Variants in GRB14 observed in about 807,000 individuals in gnomAD.
GRB14 encodes the protein growth factor receptor-bound protein 14.
GRB14 carries 38 observed loss-of-function variants against 69.1 expected under a neutral mutation model. That is an observed-to-expected ratio of 0.55 (90% CI 0.42 to 0.72). The LOEUF (loss-of-function observed/expected upper bound fraction) is 0.72. Ranked by LOEUF, GRB14 falls within the 30% of genes least tolerant of loss-of-function variation. The pLI, the probability that GRB14 is intolerant of heterozygous loss-of-function variation, is 0.00. For synonymous variants in GRB14, 247 were observed against 241.3 expected (o/e 1.02, Z -0.22); for missense variants, 666 against 666.1 (o/e 1.00, Z 0.00).
chr2:164,578,231 T>TA (rs1041421337), intron 2 of GRB14, among the ~76,000 whole-genome samples: 65 of 145,884 alleles, frequency 4.5e-4, no homozygotes, highest in South Asian at 3.0e-3. Flanking sequence ...AGACTCTGTC[T>TA]AAAAAAAAAA....
At chr2:164,522,984 A>AG (rs1421065806) in intron 5 of GRB14, among the ~76,000 whole-genome samples, 2 of 152,104 alleles carry the variant, frequency 1.3e-5, no homozygotes, top group Non-Finnish European at 2.9e-5. Flanking sequence ...GACTACTCTG[A>AG]GACCATCACA....
At chr2:164,530,247 G>C (rs1423905773) in intron 3 of GRB14, among the ~76,000 whole-genome samples, 1 of 152,108 alleles carries the variant, frequency 6.6e-6, no homozygotes, top group Non-Finnish European at 1.5e-5. Flanking sequence ...CACGGCAAGA[G>C]ACAGCAATAG....
chr2:164,613,445 G>A (rs1378919641), intron 2 of GRB14, among the ~76,000 whole-genome samples: 3 of 151,978 alleles, frequency 2.0e-5, no homozygotes, highest in Non-Finnish European at 4.4e-5. Context: ...TGGACACACT[G>A]GACTAACATA....
intron 3 of GRB14, among the ~76,000 whole-genome samples, chr2:164,539,248 A>G (rs1366460144): frequency 1.3e-5 from 2 of 152,142 alleles, no homozygotes; most frequent in South Asian, 2.1e-4. Context: ...GCCAAGGCAG[A>G]TGGATCACTT....
intron 2 of GRB14, among the ~76,000 whole-genome samples, chr2:164,575,218 A>G (rs982835457): frequency 6.6e-6 from 1 of 152,200 alleles, no homozygotes; most frequent in Non-Finnish European, 1.5e-5. Flanking sequence ...TTTAAATTCA[A>G]TCAAACTCAT....
chr2:164,593,947 T>A (rs1365813482), intron 2 of GRB14, among the ~76,000 whole-genome samples: 1 of 152,176 alleles, frequency 6.6e-6, no homozygotes, highest in Non-Finnish European at 1.5e-5. Context: ...AAAAACAGAA[T>A]GTTTTCACAA....
chr2:164,528,364 G>C (rs954772014), intron 3 of GRB14, among the ~76,000 whole-genome samples: 2 of 152,008 alleles, frequency 1.3e-5, no homozygotes, highest in African/African-American at 4.8e-5. Context: ...AATAGGAAAT[G>C]GAGAACAACC....
intron 3 of GRB14, among the ~76,000 whole-genome samples, chr2:164,533,053 A>G (rs532488713): frequency 9.0e-4 from 137 of 152,106 alleles, no homozygotes; most frequent in African/African-American, 3.2e-3. Flanking sequence ...TCTGAGCCCA[A>G]GTTGATGTTC....
chr2:164,518,355 G>A (rs559427990), intron 6 of GRB14, among the ~76,000 whole-genome samples: 1 of 152,078 alleles, frequency 6.6e-6, no homozygotes, highest in East Asian at 1.9e-4. Context: ...AAACATCTGG[G>A]ATACAGCAAA....
chr2:164,511,673 G>A (rs1410160137), intron 6 of GRB14, among the ~76,000 whole-genome samples: 1 of 152,144 alleles, frequency 6.6e-6, no homozygotes, highest in Non-Finnish European at 1.5e-5. Flanking sequence ...CTGGCTTCAG[G>A]TGAAACCTAG....
intron 2 of GRB14, among the ~76,000 whole-genome samples, chr2:164,616,062 T>C (rs902381776): frequency 2.6e-5 from 4 of 152,148 alleles, no homozygotes; most frequent in African/African-American, 7.2e-5. Context: ...ATTTGCTTTA[T>C]TAGTAAACAC....
chr2:164,579,517 A>G (rs1480187296), intron 2 of GRB14, among the ~76,000 whole-genome samples: 1 of 149,104 alleles, frequency 6.7e-6, no homozygotes. Flanking sequence ...ACACACACAC[A>G]CACACACACA....
intron 2 of GRB14, among the ~76,000 whole-genome samples, chr2:164,600,375 T>C (rs938813543): frequency 2.0e-5 from 3 of 152,220 alleles, no homozygotes; most frequent in African/African-American, 7.2e-5. Context: ...TAAAAAATTA[T>C]AGAACTTCAC....
chr2:164,619,962 G>C, intron 1 of GRB14, 143 bp from the exon 2 acceptor site: 2 of 626,586 alleles, frequency 3.2e-6, no homozygotes, highest in South Asian at 4.1e-5. Context: ...GAAAAGGTCT[G>C]TGATGTACTT....
intron 2 of GRB14, among the ~76,000 whole-genome samples, chr2:164,548,044 C>A (rs1688430576): frequency 6.6e-6 from 1 of 152,130 alleles, no homozygotes; most frequent in South Asian, 2.1e-4. Flanking sequence ...TCTCAAAATT[C>A]CAAATTCAAT....
chr2:164,602,471 T>A (rs1258187207), intron 2 of GRB14, among the ~76,000 whole-genome samples: 1 of 152,208 alleles, frequency 6.6e-6, no homozygotes, highest in Non-Finnish European at 1.5e-5. Flanking sequence ...AATTATTTTT[T>A]TCCTTACAAT....
intron 2 of GRB14, among the ~76,000 whole-genome samples, chr2:164,598,108 T>C (rs1420349846): frequency 2.0e-5 from 3 of 152,124 alleles, no homozygotes; most frequent in Non-Finnish European, 4.4e-5. Context: ...TTCTGCAAGC[T>C]GGTCCTGAGA....
At chr2:164,544,360 A>G (rs1574291891) in intron 3 of GRB14, among the ~76,000 whole-genome samples, 1 of 152,298 alleles carries the variant, frequency 6.6e-6, no homozygotes, top group South Asian at 2.1e-4. Context: ...TTTATTACTG[A>G]ACTGCAAAGC....
intron 2 of GRB14, among the ~76,000 whole-genome samples, chr2:164,552,865 C>T (rs902455320): frequency 1.3e-5 from 2 of 152,132 alleles, no homozygotes; most frequent in Non-Finnish European, 2.9e-5. Flanking sequence ...ACTAAACACT[C>T]GTGGGTGCTT....
Sources: gnomAD v4.1 joint callset for allele counts (sites outside exome capture counted in the v4.1 genomes callset) on GRCh38, gnomAD v4.1.1 for gene constraint, MANE v1.5 for transcripts, NCBI Gene and HGNC (gene_info 2026-07-23, HGNC 2026-07-21) for gene names.